The following ZFAT variants were observed in gnomAD, a reference collection of about 807,000 sequenced individuals.
ZFAT encodes the protein zinc finger protein ZFAT.
Under a neutral mutation model 117.7 loss-of-function variants are expected in ZFAT, and 64 were observed. The ratio of observed to expected loss-of-function variants is 0.54; its 90% CI spans 0.44 to 0.67. The LOEUF is 0.67. Among genes scored for constraint, ZFAT ranks in the 30% least tolerant of loss-of-function variants. The pLI is 0.00. For synonymous variants in ZFAT, 679 were observed against 615.0 expected (o/e 1.10, Z -1.54); for missense variants, 1,433 against 1,584.5 (o/e 0.90, Z 1.62).
At chr8:134,544,088 T>C (rs1249686157) in intron 11 of ZFAT, among the ~76,000 whole-genome samples, 1 of 152,180 alleles carries the variant, frequency 6.6e-6, no homozygotes, top group Non-Finnish European at 1.5e-5. Context: ...TCCCCCTACC[T>C]TCACCCTGAA....
chr8:134,685,415 C>A (rs748059826), intron 1 of ZFAT, among the ~76,000 whole-genome samples: 1 of 152,154 alleles, frequency 6.6e-6, no homozygotes, highest in Admixed American at 6.5e-5. Flanking sequence ...CCACAGCCAG[C>A]GTCATGGTTA....
At chr8:134,714,029 CAT>C (rs1391995661), upstream of ZFAT, among the ~76,000 whole-genome samples, 16 of 39,180 alleles carry the variant, frequency 4.1e-4, no homozygotes, top group Non-Finnish European at 8.1e-4. Context: ...TTACAGTAGT[CAT>C]ATAAAGTTTT....
At chr8:134,763,636 A>G in the ZFAT span, among the ~76,000 whole-genome samples, 6 of 152,206 alleles carry the variant, frequency 3.9e-5, no homozygotes, top group Admixed American at 2.6e-4. Flanking sequence ...AGGAATTTTT[A>G]TATACTCATT....
At chr8:134,550,417 G>C (rs1823071761) in intron 11 of ZFAT, among the ~76,000 whole-genome samples, 1 of 150,992 alleles carries the variant, frequency 6.6e-6, no homozygotes, top group African/African-American at 2.4e-5. Flanking sequence ...TTAAAATAAG[G>C]CCAGAGACAA....
At chr8:134,583,011 A>G (rs1825814838) in intron 10 of ZFAT, among the ~76,000 whole-genome samples, 1 of 152,196 alleles carries the variant, frequency 6.6e-6, no homozygotes, top group Non-Finnish European at 1.5e-5. Flanking sequence ...AAAAATGTTA[A>G]AAGTCTCTTA....
intron 1 of ZFAT, among the ~76,000 whole-genome samples, chr8:134,705,868 A>C (rs1834138311): frequency 6.6e-6 from 1 of 152,152 alleles, no homozygotes; most frequent in Non-Finnish European, 1.5e-5. Flanking sequence ...AAAGACTTGA[A>C]TAGACACATC....
intron 15 of ZFAT, among the ~76,000 whole-genome samples, chr8:134,482,596 T>G (rs1817392331): frequency 6.6e-6 from 1 of 152,252 alleles, no homozygotes; most frequent in East Asian, 1.9e-4. Flanking sequence ...TTAAATCTAT[T>G]TAAAGATAAC....
the ZFAT span, among the ~76,000 whole-genome samples, chr8:134,769,463 G>A: frequency 5.9e-5 from 9 of 152,194 alleles, no homozygotes; most frequent in Non-Finnish European, 1.0e-4. Context: ...TGATGCAAGA[G>A]GTGGGTTTCC....
chr8:134,686,979 C>T (rs182407338), intron 1 of ZFAT, among the ~76,000 whole-genome samples: 1 of 152,292 alleles, frequency 6.6e-6, no homozygotes, highest in Admixed American at 6.5e-5. Flanking sequence ...CAGAGGCTAA[C>T]GTGCAGAGAG....
At chr8:134,607,501 G>A (rs1827978867) in intron 5 of ZFAT, among the ~76,000 whole-genome samples, 1 of 152,250 alleles carries the variant, frequency 6.6e-6, no homozygotes, top group Non-Finnish European at 1.5e-5. Flanking sequence ...AAAGTAACGT[G>A]TGTCAAGTTA....
At chr8:134,601,451 C>T in intron 6 of ZFAT, 26 bp downstream of exon 6, 1 of 1,577,258 alleles carries the variant, frequency 6.3e-7, no homozygotes, top group Non-Finnish European at 8.6e-7. Flanking sequence ...TGGACAGGGC[C>T]ACGCACCGGC....
At chr8:134,567,074 C>G (rs1408931340) in intron 10 of ZFAT, among the ~76,000 whole-genome samples, 1 of 152,206 alleles carries the variant, frequency 6.6e-6, no homozygotes, top group Non-Finnish European at 1.5e-5. Flanking sequence ...CCAAAATCAG[C>G]ATCTTCTACT....
chr8:134,522,418 A>C (rs1820730486), intron 12 of ZFAT, among the ~76,000 whole-genome samples: 1 of 152,228 alleles, frequency 6.6e-6, no homozygotes, highest in African/African-American at 2.4e-5. Flanking sequence ...CATGGGGCTA[A>C]ATCCAAGCAT....
chr8:134,485,389 A>T (rs1485052008), intron 15 of ZFAT, among the ~76,000 whole-genome samples: 1 of 152,086 alleles, frequency 6.6e-6, no homozygotes, highest in East Asian at 1.9e-4. Flanking sequence ...GTCTTTTTTC[A>T]TTCCTCTCTT....
At chr8:134,568,748 T>A (rs1250532111) in intron 10 of ZFAT, among the ~76,000 whole-genome samples, 1 of 152,196 alleles carries the variant, frequency 6.6e-6, no homozygotes. Context: ...ACTAATGTTT[T>A]CAGCAACCAC....
Position 134,601,851 on chromosome 8 carries a change from G to A in ZFAT, c.1868C>T (p.Ser623Leu). Residue 623 changes from serine to leucine, a missense_variant, in exon 6 of 16, where the codon TCA becomes TTA. Coordinates refer to ENST00000377838, the MANE Select transcript of ZFAT (RefSeq NM_020863.4). ...EKPPDMQHRSSVQTQGEVITL... is the reference protein window; with the variant it reads ...EKPPDMQHRSLVQTQGEVITL... The stretch of plus-strand genomic sequence containing the variant: ...GATCACTTCACCTTGCGTCTGGACT[G>A]AGCTTCTGTGCTGCATGTCTGGGGG... 6.2e-7 allele frequency: 1 copy of A among 1,612,598 alleles called. No homozygotes were observed. The highest frequency in any genetic ancestry group is 2.2e-5 in the East Asian group (1 of 44,826).
rs751675692 is a variant in ZFAT, at chr8:134,532,816, C to T, written c.3115+18G>A. 24 of 1,607,800 alleles carry T rather than the reference C, an allele frequency of 1.5e-5. No homozygotes were observed. Among genetic ancestry groups the T allele is most frequent in the Middle Eastern group, 1.7e-4 (1 of 6,016 alleles). On this transcript the variant is annotated intron_variant, in intron 12 of 15. Coordinates refer to ENST00000377838, the MANE Select transcript of ZFAT (RefSeq NM_020863.4). ...AAAGGAAGCGGGCAGGGCCCCAGCT[C>T]GCTGGCCCCTCGCCTACCTTGCTGG...
chr8:134,623,180 G>A (rs1369302323), intron 3 of ZFAT, among the ~76,000 whole-genome samples: 4 of 152,002 alleles, frequency 2.6e-5, no homozygotes, highest in African/African-American at 7.2e-5. Flanking sequence ...AGTCAGCAAC[G>A]AGGCACACCC....
intron 15 of ZFAT, among the ~76,000 whole-genome samples, chr8:134,505,626 G>T (rs565076272): frequency 2.7e-4 from 41 of 152,296 alleles, no homozygotes; most frequent in African/African-American, 8.9e-4. Context: ...ACAGAGGTCA[G>T]AGTGAGTGGA....
Sources: gnomAD v4.1 joint callset for allele counts (sites outside exome capture counted in the v4.1 genomes callset) on GRCh38, gnomAD v4.1.1 for gene constraint, MANE v1.5 for transcripts, NCBI Gene and HGNC (gene_info 2026-07-23, HGNC 2026-07-21) for gene names.